Variants in ATG101 observed in about 807,000 individuals in gnomAD.
ATG101 encodes autophagy related 101.
A neutral mutation model predicts 16.7 loss-of-function variants in ATG101; 6 were observed. That is an observed-to-expected ratio of 0.36 (90% CI 0.20 to 0.71). The LOEUF is 0.71. ATG101 is among the 30% of genes least tolerant of loss of function. The probability of loss-of-function intolerance (pLI) is 0.57; values close to 1 mark genes in which losing one functional copy is unlikely to be tolerated. For synonymous variants in ATG101, 108 were observed against 118.1 expected, an observed-to-expected ratio of 0.91 and a Z score of 0.56; for missense variants, 200 against 292.5, an observed-to-expected ratio of 0.68 and a Z score of 2.31.
chr12:52,070,636 AG>A (rs1170495495), intron 2 of ATG101, 153 bp downstream of exon 2: 1 of 152,342 alleles, frequency 6.6e-6, no homozygotes, highest in African/African-American at 2.4e-5. Flanking sequence ...GGGGACAACA[AG>A]GTTTTCACAG....
At chr12:52,071,858 A>G (rs1379915678) in intron 2 of ATG101, among the ~76,000 whole-genome samples, 1 of 152,188 alleles carries the variant, frequency 6.6e-6, no homozygotes. Flanking sequence ...CTTCCTGAAC[A>G]TTGACTGGTT....
At chr12:52,072,473 C>T (rs1184395064) in intron 2 of ATG101, among the ~76,000 whole-genome samples, 1 of 152,248 alleles carries the variant, frequency 6.6e-6, no homozygotes, top group Admixed American at 6.5e-5. Flanking sequence ...AAACCGCCCA[C>T]ACCTGATTAT....
intron 2 of ATG101, among the ~76,000 whole-genome samples, chr12:52,071,628 G>T (rs897226383): frequency 1.6e-4 from 24 of 152,084 alleles, no homozygotes; most frequent in Admixed American, 1.1e-3. Flanking sequence ...ACCAGCCTGG[G>T]TAACATGGCA....
chr12:52,068,544 T>A (rs1028065784), upstream of ATG101, among the ~76,000 whole-genome samples: 7 of 151,948 alleles, frequency 4.6e-5, no homozygotes, highest in African/African-American at 1.7e-4. Flanking sequence ...ATTTTAAAGA[T>A]GGGAGTCTCA....
At chr12:52,073,476 G>A in intron 2 of ATG101, 99 bp from the exon 3 acceptor site, 3 of 750,404 alleles carry the variant, frequency 4.0e-6, no homozygotes, top group South Asian at 3.7e-5. Context: ...ATGCAGAGAA[G>A]GGCCAGTGGA....
upstream of ATG101, among the ~76,000 whole-genome samples, chr12:52,066,803 G>A (rs1939556255): frequency 6.6e-6 from 1 of 152,188 alleles, no homozygotes; most frequent in South Asian, 2.1e-4. Context: ...CTGAGTTGGA[G>A]TGTGTGGATG....
At position 52,073,902 on chromosome 12, in the gene ATG101, G is replaced by A; in HGVS notation, c.252G>A (p.Lys84=). ...RALRKVVGEF[K]DALRNSGGDG... ...TGCGCAAGGTTGTTGGGGAGTTCAAGGTAAGGGTGTCGGGGAGTTCAAGGT... is the reference window on the plus strand; with the variant it reads ...TGCGCAAGGTTGTTGGGGAGTTCAAAGTAAGGGTGTCGGGGAGTTCAAGGT... The change falls in exon 3 of 4, where the codon AAG becomes AAA. Residue 84 remains lysine, a splice_region_variant and synonymous_variant. Transcript: ENST00000336854. 1.4e-6 allele frequency: 2 copies of A among 1,447,644 alleles called. No individual in the cohort carries two copies. Among genetic ancestry groups the A allele is most frequent in the Middle Eastern group, 2.0e-4 (1 of 5,088 alleles). The allele number at this position is 1,447,644 out of a possible 1,614,324, so 89.7% of individuals were successfully genotyped here. A position where few individuals can be genotyped will look rare whatever the true frequency, so the allele number is the denominator to read the frequency against.
chr12:52,066,140 G>A (rs985575542), upstream of ATG101, among the ~76,000 whole-genome samples: 1 of 152,174 alleles, frequency 6.6e-6, no homozygotes, highest in Admixed American at 6.5e-5. Context: ...GCCCCCCAAA[G>A]TGTTGGGATT....
At chr12:52,066,987 G>A (rs925146365), upstream of ATG101, among the ~76,000 whole-genome samples, 17 of 152,144 alleles carry the variant, frequency 1.1e-4, no homozygotes, top group Non-Finnish European at 2.2e-4. Flanking sequence ...GCAGCCTCCC[G>A]AAGAGGTCGC....
chr12:52,071,692 C>T (rs1055030625), intron 2 of ATG101, among the ~76,000 whole-genome samples: 19 of 152,048 alleles, frequency 1.2e-4, no homozygotes, highest in Admixed American at 1.0e-3. Context: ...GTGGTGTTCG[C>T]CTGTGTTCCC....
chr12:52,068,178 C>T (rs1053851964), upstream of ATG101, among the ~76,000 whole-genome samples: 3 of 150,028 alleles, frequency 2.0e-5, no homozygotes, highest in African/African-American at 7.4e-5. Context: ...TCCCAAGTAG[C>T]TGGGATTACA....
At chr12:52,068,990 CAAAAAAAAAAAAA>C (rs869030833), upstream of ATG101, among the ~76,000 whole-genome samples, 57 of 33,526 alleles carry the variant, frequency 1.7e-3, no homozygotes, top group Middle Eastern at 0.031. Context: ...GACGCCGTCT[CAAAAAAAAAAAAA>C]AAAAAAAAAA....
In ATG101 at chr12:52,075,884, G is replaced by A. The variant is rs1939723033; in HGVS notation, c.253-902G>A. On this transcript the variant is annotated intron_variant, in intron 3 of 3. Transcript: ENST00000336854. ...GCTCATAAAAGAGACTGTGAACTGG[G>A]TGCAGTGGCTTGTGACCGTAATCCC... 3.3e-5 allele frequency among the ~76,000 whole-genome samples: 5 copies of A among 152,314 alleles called. No homozygotes were observed. The South Asian group carries it at 1.0e-3, about 32-fold the overall frequency.
chr12:52,076,944 G>A lies in ATG101; in HGVS notation c.411G>A (p.Arg137=). 2 of 1,614,248 alleles carry A rather than the reference G, an allele frequency of 1.2e-6. No individual in the cohort carries two copies. Among genetic ancestry groups the A allele is most frequent in the South Asian group, 2.2e-5 (2 of 91,080 alleles). The change falls in exon 4 of 4, where the codon CGG becomes CGA. Residue 137 remains arginine (R), a synonymous_variant. Coordinates refer to ENST00000336854, the MANE Select transcript of ATG101 (RefSeq NM_021934.5). The part of the protein sequence containing the change: ...HVVALATEQE[R]QICREKVGEK... The stretch of plus-strand genomic sequence containing the variant: ...TAGCCCTGGCCACGGAGCAGGAGCG[G>A]CAGATCTGCCGGGAGAAGGTGGGTG...
upstream of ATG101, among the ~76,000 whole-genome samples, chr12:52,068,208 G>C (rs1939569013): frequency 6.8e-6 from 1 of 147,626 alleles, no homozygotes; most frequent in South Asian, 2.2e-4. Context: ...CACCACACCT[G>C]GCTTTTTTTT....
intron 3 of ATG101, among the ~76,000 whole-genome samples, chr12:52,074,441 T>C (rs1939702149): frequency 6.6e-6 from 1 of 152,204 alleles, no homozygotes; most frequent in Non-Finnish European, 1.5e-5. Context: ...TCTCCTCTGG[T>C]CTTTGTTCAG....
chr12:52,068,348 C>T (rs1189631255), upstream of ATG101, among the ~76,000 whole-genome samples: 1 of 151,040 alleles, frequency 6.6e-6, no homozygotes, highest in Admixed American at 6.6e-5. Flanking sequence ...GCCATCACAC[C>T]CGACTTTTTT....
At position 52,076,897 on chromosome 12, in the gene ATG101, T is replaced by C. The variant is rs147124778; in HGVS notation, c.364T>C (p.Trp122Arg). Residue 122 changes from tryptophan (W) to arginine (R), a missense_variant, in exon 4 of 4, where the codon TGG (tryptophan) becomes CGG (arginine). Coordinates refer to ENST00000336854, the MANE Select transcript of ATG101 (RefSeq NM_021934.5). ...FSDECIPWEVWTVKVHVVALA... is the reference protein window; with the variant it reads ...FSDECIPWEVRTVKVHVVALA... ...AGACGAGTGCATCCCATGGGAAGTG[T>C]GGACGGTCAAGGTGCATGTGGTAGC... 1.2e-6 allele frequency: 2 copies of C among 1,614,028 alleles called. No individual in the cohort carries two copies. The highest frequency in any genetic ancestry group is 2.2e-5 in the East Asian group (1 of 44,894).
chr12:52,075,219 A>C (rs1291427700), intron 3 of ATG101, among the ~76,000 whole-genome samples: 1 of 152,120 alleles, frequency 6.6e-6, no homozygotes, highest in East Asian at 1.9e-4. Flanking sequence ...CAAACCCAGA[A>C]AGGGCAAGTT....
Sources: gnomAD v4.1 joint callset for allele counts (sites outside exome capture counted in the v4.1 genomes callset) on GRCh38, gnomAD v4.1.1 for gene constraint, MANE v1.5 for transcripts, NCBI Gene and HGNC (gene_info 2026-07-23, HGNC 2026-07-21) for gene names.